Variants in CLASP1 observed in about 807,000 individuals in gnomAD.
The protein encoded by CLASP1 is CLIP-associating protein 1.
Under a neutral mutation model 192.3 loss-of-function variants are expected in CLASP1, and 38 were observed. The observed-to-expected ratio is 0.20, with a 90% CI of 0.15 to 0.26. CLASP1 has a LOEUF of 0.26. Among genes scored for constraint, CLASP1 ranks in the 10% least tolerant of loss-of-function variants. The pLI, the probability that CLASP1 is intolerant of heterozygous loss-of-function variation, is 1.00. For missense variants in CLASP1, 1,433 were observed against 1,932.5 expected (o/e 0.74, Z 4.85); for synonymous variants, 691 against 712.8 (o/e 0.97, Z 0.49).
intron 1 of CLASP1, among the ~76,000 whole-genome samples, chr2:121,637,209 C>T (rs1374367083): frequency 6.6e-6 from 1 of 152,026 alleles, no homozygotes; most frequent in African/African-American, 2.4e-5. Flanking sequence ...CAAGCAGCAA[C>T]ACAATAACAC....
chr2:121,398,269 T>C, intron 29 of CLASP1, 53 bp downstream of exon 30: 1 of 1,358,680 alleles, frequency 7.4e-7, no homozygotes, highest in Non-Finnish European at 1.0e-6. Flanking sequence ...CAAAAGTAAA[T>C]TTAAACAAAT....
chr2:121,513,785 G>A (rs2094209067), intron 7 of CLASP1, among the ~76,000 whole-genome samples: 1 of 152,226 alleles, frequency 6.6e-6, no homozygotes, highest in Non-Finnish European at 1.5e-5. Flanking sequence ...GCAGTGAGTT[G>A]TAACAACACA....
chr2:121,474,927 A>G (rs944877338), intron 8 of CLASP1, among the ~76,000 whole-genome samples: 3 of 152,222 alleles, frequency 2.0e-5, no homozygotes, highest in Non-Finnish European at 4.4e-5. Context: ...GCAAGAATTA[A>G]GCAAAGTAAT....
intron 8 of CLASP1, among the ~76,000 whole-genome samples, chr2:121,479,758 C>T (rs1451550417): frequency 2.6e-5 from 4 of 152,146 alleles, no homozygotes; most frequent in African/African-American, 9.7e-5. Context: ...AGGGCCGGTT[C>T]TACCACTCTG....
intron 19 of CLASP1, 78 bp from the exon 20 acceptor site, chr2:121,430,255 A>C (rs1169385830): frequency 4.4e-6 from 5 of 1,124,132 alleles, no homozygotes; most frequent in Middle Eastern, 2.6e-4. Context: ...GCCATGCCCC[A>C]AAAGAGGGGC....
At chr2:121,617,749 C>T (rs942690887) in intron 1 of CLASP1, among the ~76,000 whole-genome samples, 1 of 152,174 alleles carries the variant, frequency 6.6e-6, no homozygotes, top group African/African-American at 2.4e-5. Flanking sequence ...ACCCACCTTC[C>T]AGATCTCTGT....
intron 30 of CLASP1, among the ~76,000 whole-genome samples, chr2:121,390,830 CA>C (rs1293875605): frequency 1.3e-5 from 2 of 151,778 alleles, no homozygotes; most frequent in Non-Finnish European, 2.9e-5. Flanking sequence ...TTCTTTTTTT[CA>C]AGAGATGGGG....
At chr2:121,478,972 C>CCA (rs2092298717) in intron 8 of CLASP1, among the ~76,000 whole-genome samples, 4 of 55,758 alleles carry the variant, frequency 7.2e-5, no homozygotes, top group Non-Finnish European at 1.0e-4. Flanking sequence ...ACCACACACA[C>CCA]CACACACACA....
chr2:121,469,475 G>T (rs2090273893), intron 9 of CLASP1, among the ~76,000 whole-genome samples: 1 of 152,162 alleles, frequency 6.6e-6, no homozygotes, highest in East Asian at 1.9e-4. Flanking sequence ...AGTGGTTTCA[G>T]GCATTGCTGG....
chr2:121,470,270 T>C (rs778529145), intron 8 of CLASP1: 2 of 497,240 alleles, frequency 4.0e-6, no homozygotes, highest in African/African-American at 2.0e-5. Flanking sequence ...TTTCACATTC[T>C]GCAACATTTC....
intron 1 of CLASP1, among the ~76,000 whole-genome samples, chr2:121,612,267 G>A (rs2065727316): frequency 6.6e-6 from 1 of 150,494 alleles, no homozygotes; most frequent in Non-Finnish European, 1.5e-5. Flanking sequence ...AGTTATAGGA[G>A]GAAGAGGAAC....
intron 1 of CLASP1, among the ~76,000 whole-genome samples, chr2:121,628,916 A>T (rs1171078581): frequency 6.7e-6 from 1 of 150,332 alleles, no homozygotes; most frequent in Non-Finnish European, 1.5e-5. Context: ...TACCAAACTG[A>T]ACATATCAAG....
chr2:121,551,741 G>A (rs2058064570), intron 2 of CLASP1, among the ~76,000 whole-genome samples: 1 of 152,126 alleles, frequency 6.6e-6, no homozygotes, highest in African/African-American at 2.4e-5. Flanking sequence ...CCATGGATAG[G>A]AAGAATCAGT....
At chr2:121,347,568 A>T (rs1465051535) in intron 38 of CLASP1, among the ~76,000 whole-genome samples, 2 of 152,208 alleles carry the variant, frequency 1.3e-5, no homozygotes, top group African/African-American at 4.8e-5. Flanking sequence ...AAGAAATGAG[A>T]ACATCATCAC....
chr2:121,527,283 A>G (rs2094597124), intron 5 of CLASP1, among the ~76,000 whole-genome samples: 1 of 152,260 alleles, frequency 6.6e-6, no homozygotes, highest in Non-Finnish European at 1.5e-5. Context: ...TGACACATCT[A>G]TACCAAGGAA....
chr2:121,587,547 C>T (rs1246624052), intron 2 of CLASP1, among the ~76,000 whole-genome samples: 1 of 152,074 alleles, frequency 6.6e-6, no homozygotes, highest in African/African-American at 2.4e-5. Context: ...AGCTCAATGT[C>T]AGCCGGGCGA....
At chr2:121,563,509 C>T (rs1287084868) in intron 2 of CLASP1, among the ~76,000 whole-genome samples, 2 of 152,158 alleles carry the variant, frequency 1.3e-5, no homozygotes, top group East Asian at 1.9e-4. Flanking sequence ...TGCCGACACA[C>T]TTAATGAATT....
chr2:121,342,727 A>T (rs1007587250), intron 39 of CLASP1, among the ~76,000 whole-genome samples: 3 of 152,116 alleles, frequency 2.0e-5, no homozygotes, highest in Non-Finnish European at 4.4e-5. Flanking sequence ...AATCGTTTGA[A>T]ACCAGTTCAA....
At chr2:121,549,731 C>T (rs1168648055) in intron 2 of CLASP1, among the ~76,000 whole-genome samples, 4 of 126,604 alleles carry the variant, frequency 3.2e-5, no homozygotes, top group Non-Finnish European at 4.7e-5. Flanking sequence ...AAAGGCCTGG[C>T]GTGGTGGCTC....
Sources: allele counts gnomAD v4.1 joint callset (sites outside exome capture counted in the v4.1 genomes callset), GRCh38; gene constraint gnomAD v4.1.1; transcripts MANE v1.5; gene names NCBI Gene and HGNC (gene_info 2026-07-23, HGNC 2026-07-21).